RBM25: variants seen among roughly 807,000 people sequenced by gnomAD.
The protein encoded by RBM25 is RNA-binding protein 25.
Under a neutral mutation model 120.7 loss-of-function variants are expected in RBM25, and 19 were observed. That is an observed-to-expected ratio of 0.16 (90% CI 0.11 to 0.23). The LOEUF (loss-of-function observed/expected upper bound fraction) is 0.23, where lower values mean the gene tolerates loss of function less well. Among genes scored for constraint, RBM25 ranks in the 10% least tolerant of loss-of-function variants. The probability of loss-of-function intolerance (pLI) is 1.00; values close to 1 mark genes in which losing one functional copy is unlikely to be tolerated. For missense variants in RBM25, 605 were observed against 1,041.5 expected (o/e 0.58, Z 5.77); for synonymous variants, 390 against 326.7 (o/e 1.19, Z -2.09).
At chr14:73,119,654 T>G in intron 18 of RBM25, 59 bp from the exon 19 acceptor site, 1 of 1,600,742 alleles carries the variant, frequency 6.2e-7, no homozygotes, top group Non-Finnish European at 8.5e-7. Context: ...GGCCACTGTT[T>G]TTGGCAGATG....
chr14:73,096,084 T>G (rs1483372705), intron 6 of RBM25, among the ~76,000 whole-genome samples: 6 of 152,128 alleles, frequency 3.9e-5, no homozygotes, highest in Admixed American at 3.9e-4. Flanking sequence ...TTTAAGCGAT[T>G]CTCCTGCCTC....
rs362441 is a variant in RBM25, at chr14:73,119,809, T to G, written c.*4T>G. 5 of 1,599,122 alleles carry G rather than the reference T, an allele frequency of 3.1e-6. No homozygotes were observed. In the African/African-American group the frequency reaches 6.8e-5, roughly 22 times the overall value. Reference sequence around the variant, plus strand: ...GAAAATTGGTCTTGTGAAGTAAAACTTTTTATATTTAGAGTTCCATTTCAG... The same window carrying G: ...GAAAATTGGTCTTGTGAAGTAAAACGTTTTATATTTAGAGTTCCATTTCAG... On this transcript the variant is annotated 3_prime_UTR_variant, in exon 19 of 19. Coordinates refer to ENST00000261973, the MANE Select transcript of RBM25 (RefSeq NM_021239.3).
At chr14:73,072,168 T>C (rs1895310026) in intron 2 of RBM25, among the ~76,000 whole-genome samples, 1 of 152,068 alleles carries the variant, frequency 6.6e-6, no homozygotes, top group Non-Finnish European at 1.5e-5. Flanking sequence ...GACAGGGTTT[T>C]GCTATGTTGG....
chr14:73,067,749 G>A (rs1334107131), intron 1 of RBM25, among the ~76,000 whole-genome samples: 1 of 151,326 alleles, frequency 6.6e-6, no homozygotes. Context: ...GACTACAGGC[G>A]CCTGCCACCG....
intron 1 of RBM25, among the ~76,000 whole-genome samples, chr14:73,059,959 A>G (rs1894961220): frequency 6.6e-6 from 1 of 152,172 alleles, no homozygotes; most frequent in African/African-American, 2.4e-5. Flanking sequence ...ATTTAAATCT[A>G]TATTGACATA....
In RBM25 at chr14:73,103,350, G is replaced by A. The variant is rs1896091767; in HGVS notation, c.1026G>A (p.Glu342=). 1.2e-6 allele frequency: 2 copies of A among 1,601,160 alleles called. No individual in the cohort carries two copies. The highest frequency in any genetic ancestry group is 1.3e-5 in the African/African-American group (1 of 74,714). ...EREREKEKER[E]RERERDRDRD... ...AACGAGAAAAGGAGAAAGAACGGGAGCGGGAACGAGAACGGGATAGGGACC... is the reference window on the plus strand; with the variant it reads ...AACGAGAAAAGGAGAAAGAACGGGAACGGGAACGAGAACGGGATAGGGACC... The change falls in exon 10 of 19, where the codon GAG becomes GAA. Residue 342 remains glutamate, a synonymous_variant. Coordinates refer to ENST00000261973, the MANE Select transcript of RBM25 (RefSeq NM_021239.3).
chr14:73,078,845 C>G (rs1391842922), intron 4 of RBM25, among the ~76,000 whole-genome samples: 1 of 152,176 alleles, frequency 6.6e-6, no homozygotes, highest in Non-Finnish European at 1.5e-5. Context: ...CTCAAGCAAA[C>G]CGCCTGCGTT....
chr14:73,111,261 TAGA>T lies in RBM25; in HGVS notation c.2017+110_2017+112del, dbSNP rs1166491067. On this transcript the variant is annotated intron_variant, in intron 15 of 18. Transcript: ENST00000261973. ...TTATATTTGTGCTTGGTTAGGTAGA[TAGA>T]AGATTACTAAAAAATGCCTTTCTAG... is the stretch of plus-strand genomic sequence containing the variant. 3.2e-5 allele frequency: 33 copies of T among 1,040,354 alleles called. 1 individual carries two copies. The South Asian group carries it at 5.0e-4, about 16-fold the overall frequency. 64.4% of individuals were successfully genotyped at this position (1,040,354 alleles called of 1,614,324 possible). A position where few individuals can be genotyped will look rare whatever the true frequency, so the allele number is the denominator to read the frequency against.
intron 6 of RBM25, among the ~76,000 whole-genome samples, chr14:73,088,637 A>G (rs1270582603): frequency 2.6e-5 from 4 of 152,192 alleles, no homozygotes; most frequent in Admixed American, 2.0e-4. Flanking sequence ...ATTGTTGTAT[A>G]TTGTATTTTA....
At chr14:73,097,193 T>TTTA in intron 7 of RBM25, 93 bp downstream of exon 7, 3 of 433,976 alleles carry the variant, frequency 6.9e-6, no homozygotes, top group Non-Finnish European at 9.0e-6. Context: ...TCTTTTTTCT[T>TTTA]TTCTTTTTTT....
intron 18 of RBM25, among the ~76,000 whole-genome samples, chr14:73,116,100 T>G (rs1386178273): frequency 6.6e-6 from 1 of 151,070 alleles, no homozygotes; most frequent in African/African-American, 2.4e-5. Flanking sequence ...AAAGAAACAG[T>G]GAAGACCCAC....
At chr14:73,070,370 T>TA (rs1895255295) in intron 1 of RBM25, among the ~76,000 whole-genome samples, 1 of 152,188 alleles carries the variant, frequency 6.6e-6, no homozygotes, top group Non-Finnish European at 1.5e-5. Flanking sequence ...TCTTAAACTT[T>TA]AAAAAATCAA....
intron 1 of RBM25, among the ~76,000 whole-genome samples, chr14:73,059,789 A>G (rs1360511680): frequency 6.6e-6 from 1 of 152,182 alleles, no homozygotes; most frequent in Non-Finnish European, 1.5e-5. Flanking sequence ...AATTCATTTA[A>G]CTTAAAGCCT....
At chr14:73,080,903 C>T (rs138386624) in intron 4 of RBM25, among the ~76,000 whole-genome samples, 201 of 151,172 alleles carry the variant, frequency 1.3e-3, no homozygotes, top group Non-Finnish European at 2.1e-3. Context: ...CAGCTCACTG[C>T]AACCTCGCCA....
chr14:73,063,465 G>C (rs1895053769), intron 1 of RBM25, among the ~76,000 whole-genome samples: 1 of 151,290 alleles, frequency 6.6e-6, no homozygotes, highest in African/African-American at 2.4e-5. Context: ...TTCATACTTA[G>C]CAGGAAAAGG....
At chr14:73,079,292 C>T (rs542148838) in intron 4 of RBM25, among the ~76,000 whole-genome samples, 3 of 150,456 alleles carry the variant, frequency 2.0e-5, no homozygotes, top group South Asian at 4.2e-4. Context: ...GCGTGGTTGT[C>T]GGTGCCTGCA....
At chr14:73,083,593 A>G (rs1566588322) in intron 5 of RBM25, 42 bp downstream of exon 5, 6 of 1,415,480 alleles carry the variant, frequency 4.2e-6, no homozygotes, top group Non-Finnish European at 1.9e-6. Flanking sequence ...CACTTTAACT[A>G]ACCTGTGTGC....
At chr14:73,088,912 G>A (rs1347794099) in intron 6 of RBM25, among the ~76,000 whole-genome samples, 1 of 152,170 alleles carries the variant, frequency 6.6e-6, no homozygotes, top group Non-Finnish European at 1.5e-5. Flanking sequence ...AGGCAGAGGC[G>A]GGCAGATCAC....
intron 1 of RBM25, among the ~76,000 whole-genome samples, chr14:73,071,240 CAAAAAAA>C (rs11325196): frequency 2.8e-5 from 3 of 108,860 alleles, no homozygotes; most frequent in Admixed American, 1.0e-4. Context: ...GACTCTGTCT[CAAAAAAA>C]AAAAAAAAAA....
Sources: allele counts gnomAD v4.1 joint callset (sites outside exome capture counted in the v4.1 genomes callset), GRCh38; gene constraint gnomAD v4.1.1; transcripts MANE v1.5; gene names NCBI Gene and HGNC (gene_info 2026-07-23, HGNC 2026-07-21).